Variants in PDGFD observed in about 807,000 individuals in gnomAD.
The protein encoded by PDGFD is platelet-derived growth factor D.
Under a neutral mutation model 44.7 loss-of-function variants are expected in PDGFD, and 30 were observed. The ratio of observed to expected loss-of-function variants is 0.67; its 90% CI spans 0.50 to 0.91. PDGFD has a LOEUF of 0.91. Ranked by LOEUF, PDGFD falls within the 40% of genes least tolerant of loss-of-function variation. The probability of loss-of-function intolerance (pLI) is 0.00; values close to 1 mark genes in which losing one functional copy is unlikely to be tolerated. For missense variants in PDGFD, 445 were observed against 457.8 expected (o/e 0.97, Z 0.25); for synonymous variants, 173 against 168.4 (o/e 1.03, Z -0.21).
At chr11:104,111,232 C>T (rs1861550980) in intron 1 of PDGFD, among the ~76,000 whole-genome samples, 1 of 142,422 alleles carries the variant, frequency 7.0e-6, no homozygotes, top group South Asian at 2.3e-4. Flanking sequence ...ACAAATCTAT[C>T]TTATATGATC....
chr11:104,084,978 G>C (rs1238358572), intron 1 of PDGFD, among the ~76,000 whole-genome samples: 2 of 148,116 alleles, frequency 1.4e-5, no homozygotes, highest in East Asian at 3.9e-4. Flanking sequence ...AATATATATA[G>C]TGTGCCCTTA....
At chr11:103,986,331 A>G (rs1184722043) in intron 3 of PDGFD, among the ~76,000 whole-genome samples, 5 of 152,178 alleles carry the variant, frequency 3.3e-5, no homozygotes, top group Non-Finnish European at 5.9e-5. Context: ...GAGTGAGTAC[A>G]AGAGTAGAAC....
chr11:104,022,421 T>C (rs1055444180), intron 1 of PDGFD, among the ~76,000 whole-genome samples: 1 of 152,166 alleles, frequency 6.6e-6, no homozygotes, highest in South Asian at 2.1e-4. Context: ...ATAGGACTTC[T>C]TATAGGATAA....
At chr11:104,024,199 T>C (rs1860006413) in intron 1 of PDGFD, among the ~76,000 whole-genome samples, 1 of 152,014 alleles carries the variant, frequency 6.6e-6, no homozygotes, top group Non-Finnish European at 1.5e-5. Context: ...TAAATTAAGA[T>C]AAAATAGGTA....
At chr11:104,118,787 TATA>T (rs537770166) in intron 1 of PDGFD, among the ~76,000 whole-genome samples, 210 of 110,806 alleles carry the variant, frequency 1.9e-3, no homozygotes, top group African/African-American at 7.3e-3. Context: ...TAATATATTA[TATA>T]TTATAAATAT....
intron 1 of PDGFD, among the ~76,000 whole-genome samples, chr11:104,050,237 G>C (rs1412577975): frequency 1.3e-5 from 2 of 152,122 alleles, no homozygotes; most frequent in African/African-American, 4.8e-5. Context: ...GACAGCGCAC[G>C]TGGGTGTAAA....
At chr11:104,157,640 C>T (rs148145724) in intron 1 of PDGFD, among the ~76,000 whole-genome samples, 99 of 152,302 alleles carry the variant, frequency 6.5e-4, no homozygotes, top group South Asian at 5.8e-3. Flanking sequence ...ACAGCTTCCA[C>T]CCAGTAATCA....
At chr11:103,910,578 A>G (rs1858011694) in intron 6 of PDGFD, among the ~76,000 whole-genome samples, 2 of 152,226 alleles carry the variant, frequency 1.3e-5, no homozygotes, top group Admixed American at 1.3e-4. Flanking sequence ...CAGATACTGC[A>G]CTTTTCCCAT....
chr11:104,063,681 C>T (rs542987057), intron 1 of PDGFD, among the ~76,000 whole-genome samples: 1 of 152,218 alleles, frequency 6.6e-6, no homozygotes. Context: ...AAAGGGGAAG[C>T]AAGGCACATG....
chr11:103,909,675 T>G lies in PDGFD; in HGVS notation c.*19A>C. The stretch of plus-strand genomic sequence containing the variant: ...ACTAAAGGTTCTTTCAGGCTTAATG[T>G]AAGGATGTGCACATTCTCTTATCGA... On this transcript the variant is annotated 3_prime_UTR_variant, in exon 7 of 7. Transcript: ENST00000393158. The G allele has an allele frequency of 1.2e-6, 2 of 1,613,874 alleles. No individual in the cohort carries two copies. The highest frequency in any genetic ancestry group is 1.3e-5 in the African/African-American group (1 of 75,038).
intron 1 of PDGFD, among the ~76,000 whole-genome samples, chr11:104,071,718 G>T (rs1860879621): frequency 6.6e-6 from 1 of 151,026 alleles, no homozygotes. Context: ...ATTTTGAGTT[G>T]TAGTTATGAA....
chr11:104,069,199 C>T (rs537824), intron 1 of PDGFD, among the ~76,000 whole-genome samples: 71,554 of 151,986 alleles, frequency 0.47, 18,646 homozygotes, highest in African/African-American at 0.71. Context: ...CTTTGAAGAG[C>T]ACAGGTCAAT....
chr11:103,918,270 G>C (rs1200426217), intron 6 of PDGFD, among the ~76,000 whole-genome samples: 1 of 152,142 alleles, frequency 6.6e-6, no homozygotes, highest in African/African-American at 2.4e-5. Context: ...ACCTTGGAAG[G>C]GGTTGGGGTT....
chr11:103,914,269 C>T (rs1026402528), intron 6 of PDGFD, among the ~76,000 whole-genome samples: 4 of 152,266 alleles, frequency 2.6e-5, no homozygotes, highest in African/African-American at 9.6e-5. Flanking sequence ...GTAAGTTTGC[C>T]CACATTCTGT....
intron 5 of PDGFD, among the ~76,000 whole-genome samples, chr11:103,930,770 C>T (rs749431629): frequency 1.3e-5 from 2 of 152,190 alleles, no homozygotes; most frequent in Non-Finnish European, 2.9e-5. Context: ...CCCATAGGCA[C>T]TAACCTGTCA....
chr11:103,966,867 C>G (rs1859028385), intron 3 of PDGFD, among the ~76,000 whole-genome samples: 1 of 152,100 alleles, frequency 6.6e-6, no homozygotes, highest in Non-Finnish European at 1.5e-5. Context: ...ACTGACCACT[C>G]ACTCTTCTCT....
intron 1 of PDGFD, among the ~76,000 whole-genome samples, chr11:104,018,492 C>A (rs1025924493): frequency 6.6e-6 from 1 of 152,154 alleles, no homozygotes; most frequent in East Asian, 1.9e-4. Flanking sequence ...TCTGCAGTTT[C>A]GAAGTCAGAA....
rs1223177856 is a variant in PDGFD, at chr11:103,927,127, C to T, written c.773-1G>A. Reference sequence around the variant, plus strand: ...TCATCATTGAGCCTATCCAGGTCAACTGTAAGCAAATACATGCACTGTGTA... The same window carrying T: ...TCATCATTGAGCCTATCCAGGTCAATTGTAAGCAAATACATGCACTGTGTA... On this transcript the variant is annotated splice_acceptor_variant, in intron 5 of 6. Coordinates refer to ENST00000393158, the MANE Select transcript of PDGFD (RefSeq NM_025208.5). LOFTEE classifies it high-confidence loss of function. The T allele has an allele frequency of 1.2e-6, 2 of 1,613,682 alleles. No individual in the cohort carries two copies. The highest frequency in any genetic ancestry group is 1.7e-5 in the Admixed American group (1 of 60,010).
intron 3 of PDGFD, among the ~76,000 whole-genome samples, chr11:103,987,019 T>C (rs1859376480): frequency 6.6e-6 from 1 of 152,090 alleles, no homozygotes; most frequent in South Asian, 2.1e-4. Flanking sequence ...TTCAACTCCC[T>C]ATAATTTCAT....
Sources: allele counts gnomAD v4.1 joint callset (sites outside exome capture counted in the v4.1 genomes callset), GRCh38; gene constraint gnomAD v4.1.1; transcripts MANE v1.5; gene names NCBI Gene and HGNC (gene_info 2026-07-23, HGNC 2026-07-21).